The following PTDSS1 variants were observed in gnomAD, a reference collection of about 807,000 sequenced individuals.
PTDSS1 encodes the protein PSS-1.
A neutral mutation model predicts 70.5 loss-of-function variants in PTDSS1; 45 were observed. That is an observed-to-expected ratio of 0.64 (90% CI 0.50 to 0.82). The LOEUF (loss-of-function observed/expected upper bound fraction) is 0.82. PTDSS1 is among the 40% of genes least tolerant of loss of function. The probability of loss-of-function intolerance (pLI) is 0.00; values close to 1 mark genes in which losing one functional copy is unlikely to be tolerated. For missense variants in PTDSS1, 417 were observed against 586.1 expected, an observed-to-expected ratio of 0.71 and a Z score of 2.98; for synonymous variants, 188 against 203.8, an observed-to-expected ratio of 0.92 and a Z score of 0.66.
intron 5 of PTDSS1, among the ~76,000 whole-genome samples, chr8:96,295,927 GC>G (rs545964525): frequency 1.1e-3 from 173 of 152,074 alleles, no homozygotes; most frequent in Non-Finnish European, 2.0e-3. Context: ...CTGTTAATGT[GC>G]CTCTCACTGT....
chr8:96,299,208 G>A (rs757722453), intron 5 of PTDSS1, among the ~76,000 whole-genome samples: 28 of 152,062 alleles, frequency 1.8e-4, no homozygotes, highest in Non-Finnish European at 3.2e-4. Flanking sequence ...TTCCTACATC[G>A]TGTCATCAAG....
chr8:96,262,310 T>C lies in PTDSS1; in HGVS notation c.179+91T>C. ...CGGGGAGGGGGGCCCGGCATGGCTC[T>C]GGGTGAGGAAGTGGGCTGGCTGCTC... On this transcript the variant is annotated intron_variant, in intron 1 of 12. Coordinates refer to ENST00000517309, the MANE Select transcript of PTDSS1 (RefSeq NM_014754.3). The surrounding 1 kb of genome is among the most constrained non-coding windows in gnomAD (Gnocchi z 4.4). 6.9e-7 allele frequency: 1 copy of C among 1,440,188 alleles called. No homozygotes were observed. The highest frequency in any genetic ancestry group is 1.4e-5 in the African/African-American group (1 of 70,590). 89.2% of individuals were successfully genotyped at this position (1,440,188 alleles called of 1,614,324 possible).
chr8:96,284,264 C>A (rs960206779), intron 3 of PTDSS1, 111 bp downstream of exon 3: 1 of 989,640 alleles, frequency 1.0e-6, no homozygotes. Context: ...TTTATTCTAG[C>A]TTTTTGCTTT....
intron 10 of PTDSS1, among the ~76,000 whole-genome samples, chr8:96,329,091 T>C (rs951433759): frequency 1.3e-5 from 2 of 152,162 alleles, no homozygotes; most frequent in African/African-American, 2.4e-5. Context: ...AAAGTTATGA[T>C]TCTTAGAACT....
rs928457185 is a variant in PTDSS1, at chr8:96,309,505, G to C, written c.1008-52G>C. 2.4e-5 allele frequency: 36 copies of C among 1,525,874 alleles called. No homozygotes were observed. In the Middle Eastern group the frequency reaches 5.1e-4, roughly 22 times the overall value. The allele number at this position is 1,525,874 out of a possible 1,614,324, so 94.5% of individuals were successfully genotyped here. A position where few individuals can be genotyped will look rare whatever the true frequency, so the allele number is the denominator to read the frequency against. ...TGTCAAAGTGATTTAATTATGTGCT[G>C]ACTTGCTGGTCTTCCAGCAGCTCTC... On this transcript the variant is annotated intron_variant, in intron 8 of 12. Coordinates refer to ENST00000517309, the MANE Select transcript of PTDSS1 (RefSeq NM_014754.3).
intron 4 of PTDSS1, among the ~76,000 whole-genome samples, chr8:96,288,294 G>A (rs996243843): frequency 6.6e-6 from 1 of 152,040 alleles, no homozygotes; most frequent in African/African-American, 2.4e-5. Flanking sequence ...GAACCCCAGA[G>A]TTCAGAGATT....
rs1811582924 is a variant in PTDSS1, at chr8:96,335,508, C to T, written c.*1942C>T. The T allele has an allele frequency of 6.6e-6, 1 of 152,276 alleles. No individual in the cohort carries two copies. The highest frequency in any genetic ancestry group is 2.1e-4 in the South Asian group (1 of 4,838). 9.4% of individuals were successfully genotyped at this position (152,276 alleles called of 1,614,324 possible). ...GCAACTGATGGAGCATGTGTGCTTCCTCTGAGGCCAGCCTACAGGAGGCAG... is the reference window on the plus strand; with the variant it reads ...GCAACTGATGGAGCATGTGTGCTTCTTCTGAGGCCAGCCTACAGGAGGCAG... On this transcript the variant is annotated 3_prime_UTR_variant, in exon 13 of 13. Transcript: ENST00000517309.
chr8:96,309,625 G>A lies in PTDSS1; in HGVS notation c.1073+3G>A, dbSNP rs760940935. ...GGAACACAATGCTGGGTGTTTGGGT[G>A]AGTAATCTGTTATTGTGGAGATTTA... On this transcript the variant is annotated splice_donor_region_variant and intron_variant, in intron 9 of 12. Coordinates refer to ENST00000517309, the MANE Select transcript of PTDSS1 (RefSeq NM_014754.3). The A allele has an allele frequency of 6.2e-7, 1 of 1,613,860 alleles. No individual in the cohort carries two copies. The highest frequency in any genetic ancestry group is 1.1e-5 in the South Asian group (1 of 91,050).
intron 4 of PTDSS1, among the ~76,000 whole-genome samples, chr8:96,288,290 C>G (rs1810851492): frequency 6.6e-6 from 1 of 151,994 alleles, no homozygotes; most frequent in Non-Finnish European, 1.5e-5. Flanking sequence ...CTCTGAACCC[C>G]AGAGTTCAGA....
intron 1 of PTDSS1, among the ~76,000 whole-genome samples, chr8:96,269,450 C>T (rs548456472): frequency 5.9e-5 from 9 of 152,270 alleles, no homozygotes; most frequent in South Asian, 4.2e-4. Flanking sequence ...GAAGTCAAGG[C>T]GGTGTCACAG....
intron 1 of PTDSS1, among the ~76,000 whole-genome samples, chr8:96,266,871 A>G (rs1471250728): frequency 1.3e-5 from 2 of 152,186 alleles, no homozygotes; most frequent in Non-Finnish European, 2.9e-5. Flanking sequence ...TTTTATGTCC[A>G]TAATACGATT....
intron 1 of PTDSS1, among the ~76,000 whole-genome samples, chr8:96,269,078 G>A (rs1413568442): frequency 3.3e-5 from 5 of 152,274 alleles, no homozygotes; most frequent in African/African-American, 1.2e-4. Context: ...CACAATATGT[G>A]GTCAGTGCTA....
intron 11 of PTDSS1, chr8:96,330,680 T>C (rs1811502529): frequency 2.7e-6 from 1 of 366,422 alleles, no homozygotes; most frequent in Non-Finnish European, 5.0e-6. Flanking sequence ...CTTCATTTAG[T>C]AGATATGAGG....
chr8:96,318,550 C>A (rs1190007101), intron 9 of PTDSS1, among the ~76,000 whole-genome samples: 1 of 152,180 alleles, frequency 6.6e-6, no homozygotes, highest in Non-Finnish European at 1.5e-5. Context: ...TGCCACCTAG[C>A]GTCTTAATCA....
At chr8:96,300,305 T>C (rs1269169022) in intron 6 of PTDSS1, among the ~76,000 whole-genome samples, 1 of 152,056 alleles carries the variant, frequency 6.6e-6, no homozygotes, top group Non-Finnish European at 1.5e-5. Context: ...AATACATCCA[T>C]TACCCCAGTA....
intron 4 of PTDSS1, 104 bp downstream of exon 4, chr8:96,287,250 G>T: frequency 2.8e-6 from 4 of 1,452,114 alleles, no homozygotes; most frequent in Non-Finnish European, 3.7e-6. Flanking sequence ...TGTATTTCCT[G>T]TGTAGTTACC....
intron 4 of PTDSS1, among the ~76,000 whole-genome samples, chr8:96,293,007 G>A (rs747564822): frequency 6.6e-6 from 1 of 152,212 alleles, no homozygotes; most frequent in Non-Finnish European, 1.5e-5. Flanking sequence ...GAGACCTGGC[G>A]TGTGTAGTAG....
intron 2 of PTDSS1, 89 bp downstream of exon 2, chr8:96,273,479 G>T (rs548838636): frequency 9.9e-7 from 1 of 1,006,662 alleles, no homozygotes; most frequent in South Asian, 1.6e-5. Flanking sequence ...ATGAAGTAAA[G>T]AAATAATCTG....
chr8:96,287,077 G>A lies in PTDSS1; in HGVS notation c.372G>A (p.Glu124=). 6.2e-7 allele frequency: 1 copy of A among 1,614,046 alleles called. No individual in the cohort carries two copies. Among genetic ancestry groups the A allele is most frequent in the Non-Finnish European group, 8.5e-7 (1 of 1,179,920 alleles). The change falls in exon 4 of 13, where the codon GAG becomes GAA. Residue 124 remains glutamate (E), a synonymous_variant. Transcript: ENST00000517309. ...TATTCCTACTCTTCCTGAATTTCGA[G>A]CAGGTTAAATCTCTAATGTATTGGC... is the stretch of plus-strand genomic sequence containing the variant. ...FLVFLLFLNF[E]QVKSLMYWLD... is the part of the protein sequence containing the mutation.
Sources: allele counts gnomAD v4.1 joint callset (sites outside exome capture counted in the v4.1 genomes callset), GRCh38; gene constraint gnomAD v4.1.1; non-coding constraint Gnocchi (gnomAD v3.1); transcripts MANE v1.5; gene names NCBI Gene and HGNC (gene_info 2026-07-23, HGNC 2026-07-21).